Variants in TRIM4 observed in about 807,000 individuals in gnomAD.
TRIM4 encodes tripartite motif containing 4.
In TRIM4, 29 loss-of-function variants were observed where a neutral mutation model predicts 33.7. The observed-to-expected ratio is 0.86, with a 90% CI of 0.64 to 1.17. The LOEUF is 1.17. Ranked by LOEUF, TRIM4 falls within the 50% of genes most tolerant of loss-of-function variation. TRIM4 has a pLI of 0.00. For synonymous variants in TRIM4, 224 were observed against 233.0 expected (o/e 0.96, Z 0.35); for missense variants, 554 against 593.7 (o/e 0.93, Z 0.69).
chr7:99,910,120 G>A (rs1217166138), intron 1 of TRIM4, among the ~76,000 whole-genome samples: 2 of 152,136 alleles, frequency 1.3e-5, no homozygotes, highest in East Asian at 3.8e-4. Flanking sequence ...CCTATGATAA[G>A]AACTATTCTG....
At chr7:99,916,821 C>T (rs746497973) in intron 1 of TRIM4, 1 of 778,016 alleles carries the variant, frequency 1.3e-6, no homozygotes, top group Non-Finnish European at 2.4e-6. Flanking sequence ...TGCCTTAAAA[C>T]CCTTTTATAA....
chr7:99,912,395 G>T (rs1819465687), intron 1 of TRIM4, among the ~76,000 whole-genome samples: 1 of 151,934 alleles, frequency 6.6e-6, no homozygotes, highest in South Asian at 2.1e-4. Context: ...AGCCAGGTGT[G>T]GTGGCACAAG....
chr7:99,900,055 G>A (rs1819122766), intron 5 of TRIM4, among the ~76,000 whole-genome samples: 1 of 152,130 alleles, frequency 6.6e-6, no homozygotes, highest in Admixed American at 6.5e-5. Flanking sequence ...CAAAGAATTG[G>A]GATTACAGAT....
chr7:99,909,479 A>G (rs1819386953), intron 2 of TRIM4, 86 bp downstream of exon 2: 1 of 1,160,748 alleles, frequency 8.6e-7, no homozygotes, highest in Admixed American at 2.1e-5. Context: ...GCAAAACCCC[A>G]TGACCAAAAG....
intron 5 of TRIM4, among the ~76,000 whole-genome samples, chr7:99,892,974 C>G (rs1042501343): frequency 1.3e-5 from 2 of 152,174 alleles, no homozygotes; most frequent in East Asian, 3.8e-4. Flanking sequence ...CTAGACCAGG[C>G]GCAGTGACTC....
chr7:99,899,129 C>T (rs1342556079), intron 5 of TRIM4, among the ~76,000 whole-genome samples: 3 of 152,088 alleles, frequency 2.0e-5, no homozygotes, highest in Non-Finnish European at 2.9e-5. Context: ...TGAGAATAAC[C>T]CTATGGTCTA....
Position 99,919,445 on chromosome 7 carries a change from G to C in TRIM4, c.-44C>G. On this transcript the variant is annotated 5_prime_UTR_variant, in exon 1 of 6. Coordinates refer to ENST00000349062, the MANE Select transcript of TRIM4 (RefSeq NM_033091.3). The stretch of plus-strand genomic sequence containing the variant: ...AGACGGAGTCCGACGTGAGGCGCGG[G>C]AGAGGCCAGCAAGCTGCGAGCGGCC... The C allele has an allele frequency of 1.4e-6, 2 of 1,474,880 alleles. No individual in the cohort carries two copies. The highest frequency in any genetic ancestry group is 1.8e-6 in the Non-Finnish European group (2 of 1,112,800). The allele number at this position is 1,474,880 out of a possible 1,614,324, so 91.4% of individuals were successfully genotyped here.
At chr7:99,903,548 G>A in intron 4 of TRIM4, 28 bp downstream of exon 4, 2 of 1,613,960 alleles carry the variant, frequency 1.2e-6, no homozygotes, top group Non-Finnish European at 8.5e-7. Context: ...TGCCACCCAG[G>A]TCCCCATAAG....
intron 1 of TRIM4, among the ~76,000 whole-genome samples, chr7:99,913,180 T>C (rs912806564): frequency 6.6e-6 from 1 of 152,216 alleles, no homozygotes; most frequent in Admixed American, 6.5e-5. Flanking sequence ...TCTCATATGG[T>C]TCTACTACTC....
intron 2 of TRIM4, 94 bp from the exon 3 acceptor site, chr7:99,908,906 A>T: frequency 8.3e-7 from 1 of 1,210,876 alleles, no homozygotes; most frequent in Non-Finnish European, 1.2e-6. Context: ...AGTCAATCCT[A>T]ATCAAACCCT....
intron 3 of TRIM4, among the ~76,000 whole-genome samples, chr7:99,907,385 C>A (rs1819332732): frequency 6.6e-6 from 1 of 152,220 alleles, no homozygotes; most frequent in African/African-American, 2.4e-5. Context: ...GTTGGGATTA[C>A]AGGCGTGAGC....
At chr7:99,896,795 C>A (rs1330880999) in intron 5 of TRIM4, among the ~76,000 whole-genome samples, 1 of 152,220 alleles carries the variant, frequency 6.6e-6, no homozygotes, top group Non-Finnish European at 1.5e-5. Context: ...TATGGGGATA[C>A]CCCCAAAATG....
At chr7:99,893,670 T>C (rs930284061) in intron 5 of TRIM4, among the ~76,000 whole-genome samples, 1 of 152,184 alleles carries the variant, frequency 6.6e-6, no homozygotes, top group Non-Finnish European at 1.5e-5. Flanking sequence ...TTTTCGACTC[T>C]TTCCTCTAAC....
At chr7:99,913,705 AT>A (rs1819494846) in intron 1 of TRIM4, among the ~76,000 whole-genome samples, 1 of 152,128 alleles carries the variant, frequency 6.6e-6, no homozygotes, top group East Asian at 1.9e-4. Flanking sequence ...AAAAATAATA[AT>A]TTTTTTAAAA....
Position 99,919,354 on chromosome 7 carries a change from C to T in TRIM4, c.48G>A (p.Leu16=). 6.3e-7 allele frequency: 1 copy of T among 1,578,220 alleles called. No individual in the cohort carries two copies. The highest frequency in any genetic ancestry group is 8.6e-7 in the Non-Finnish European group (1 of 1,163,838). ...TGGACACCGGGTCCTGGAAATAGTC[C>T]AGGCAGATGGGGCAGGTCAACTCCT... ...IQEELTCPIC[L]DYFQDPVSIE... is the part of the protein sequence containing the mutation. The change falls in exon 1 of 6, where the codon CTG becomes CTA. Residue 16 remains leucine, a synonymous_variant. Coordinates refer to ENST00000349062, the MANE Select transcript of TRIM4 (RefSeq NM_033091.3).
intron 5 of TRIM4, chr7:99,902,258 G>A (rs1819192772): frequency 2.8e-6 from 2 of 709,064 alleles, no homozygotes; most frequent in Non-Finnish European, 5.2e-6. Flanking sequence ...TAGTTTGTTT[G>A]TTTTTTGAGA....
rs908950094 is a variant in TRIM4 at position 99,919,160 on chromosome 7, G to A, written c.242C>T (p.Pro81Leu). 13 of 1,478,784 alleles carry A rather than the reference G, an allele frequency of 8.8e-6. No homozygotes were observed. Among genetic ancestry groups the A allele is most frequent in the Non-Finnish European group, 1.2e-5 (13 of 1,116,916 alleles). 91.6% of individuals were successfully genotyped at this position (1,478,784 alleles called of 1,614,324 possible). Residue 81 changes from proline to leucine, a missense_variant, in exon 1 of 6, where the codon CCC (proline) becomes CTC (leucine). Around this residue, in one of 3 missense-constraint regions of TRIM4, gnomAD observed 233 missense variants for 203.1 expected, o/e 1.15. Coordinates refer to ENST00000349062, the MANE Select transcript of TRIM4 (RefSeq NM_033091.3). ...GCGGCCGCACAGGCCCGGGGGCACG[G>A]GGCCCAGGCGCCGGCGCTGCGTCTT... ...TEKTQRRRLG[P>L]VPPGLCGRHW...
At position 99,908,631 on chromosome 7, in the gene TRIM4, A is replaced by C; in HGVS notation, c.671T>G (p.Ile224Ser). The part of the protein sequence containing the change: ...NQTIASLKKL[I>S]LEVGEKSQAP... ...CTGGCTCTTCTCCCCCACCTCTAAG[A>C]TGAGCTTCTTCAATGAAGCGATAGT... The change falls in exon 3 of 6, where the codon ATC becomes AGC. Residue 224 changes from isoleucine to serine, a missense_variant. Physicochemically the swap from Ile to Ser is moderately radical, Grantham distance 142. Around this residue, in one of 3 missense-constraint regions of TRIM4, gnomAD observed 290 missense variants for 335.8 expected, o/e 0.86. Coordinates refer to ENST00000349062, the MANE Select transcript of TRIM4 (RefSeq NM_033091.3). 1.9e-6 allele frequency: 3 copies of C among 1,614,074 alleles called. No homozygotes were observed. The highest frequency in any genetic ancestry group is 2.5e-6 in the Non-Finnish European group (3 of 1,180,004).
intron 5 of TRIM4, among the ~76,000 whole-genome samples, chr7:99,897,572 T>TA (rs1377182461): frequency 1.3e-5 from 2 of 151,976 alleles, no homozygotes; most frequent in Middle Eastern, 6.8e-3. Flanking sequence ...ATGTAGCAAC[T>TA]AAAAAAAAGA....
Sources: allele counts gnomAD v4.1 joint callset (sites outside exome capture counted in the v4.1 genomes callset), GRCh38; gene constraint gnomAD v4.1.1; regional missense constraint gnomAD v4.1.1; transcripts MANE v1.5; gene names NCBI Gene and HGNC (gene_info 2026-07-23, HGNC 2026-07-21).